Variants in ANKFY1 observed in about 807,000 individuals in gnomAD.
The protein encoded by ANKFY1 is ankyrin repeat and FYVE domain-containing protein 1.
A neutral mutation model predicts 128.3 loss-of-function variants in ANKFY1; 47 were observed. The observed-to-expected ratio is 0.37, with a 90% CI of 0.29 to 0.47. ANKFY1 has a LOEUF of 0.47. ANKFY1 is among the 20% of genes least tolerant of loss of function. ANKFY1 has a pLI of 1.00. For missense variants in ANKFY1, 1,222 were observed against 1,510.6 expected (o/e 0.81, Z 3.17); for synonymous variants, 553 against 601.6 (o/e 0.92, Z 1.18).
At chr17:4,251,248 AT>A (rs974364562) in intron 1 of ANKFY1, among the ~76,000 whole-genome samples, 1 of 152,200 alleles carries the variant, frequency 6.6e-6, no homozygotes, top group African/African-American at 2.4e-5. Flanking sequence ...ACCACTACAT[AT>A]AAAAACTAAC....
At chr17:4,251,673 T>C (rs1288837397) in intron 1 of ANKFY1, among the ~76,000 whole-genome samples, 1 of 151,828 alleles carries the variant, frequency 6.6e-6, no homozygotes, top group African/African-American at 2.4e-5. Flanking sequence ...TTACCAAATT[T>C]TAAAAACTGT....
At chr17:4,207,499 C>G (rs2060047075) in intron 6 of ANKFY1, among the ~76,000 whole-genome samples, 2 of 152,146 alleles carry the variant, frequency 1.3e-5, no homozygotes, top group African/African-American at 4.8e-5. Context: ...CCTCTTGAGT[C>G]TCTGGAAAGA....
Position 4,165,856 on chromosome 17 carries a change from C to T in ANKFY1, c.*1923G>A, listed in dbSNP as rs1016371948. The T allele has an allele frequency of 3.3e-5, 5 of 152,206 alleles. No individual in the cohort carries two copies. Among genetic ancestry groups the T allele is most frequent in the African/African-American group, 4.8e-5 (2 of 41,446 alleles). 9.4% of individuals were successfully genotyped at this position (152,206 alleles called of 1,614,324 possible). ...TAAAGAACAGGTATCCATGTACCAACCACTTCAATTCATATCCGAATCATG... is the reference window on the plus strand; with the variant it reads ...TAAAGAACAGGTATCCATGTACCAATCACTTCAATTCATATCCGAATCATG... On this transcript the variant is annotated 3_prime_UTR_variant, in exon 25 of 25. Coordinates refer to ENST00000341657, the MANE Select transcript of ANKFY1 (RefSeq NM_001330063.2).
intron 10 of ANKFY1, 61 bp downstream of exon 10, chr17:4,194,917 C>A: frequency 6.5e-7 from 1 of 1,546,322 alleles, no homozygotes; most frequent in East Asian, 2.3e-5. Flanking sequence ...AAGGCATTTA[C>A]ATGCCATTTC....
At chr17:4,218,134 A>G (rs1351658325) in intron 3 of ANKFY1, among the ~76,000 whole-genome samples, 1 of 152,252 alleles carries the variant, frequency 6.6e-6, no homozygotes, top group Non-Finnish European at 1.5e-5. Flanking sequence ...ACAAACTGAA[A>G]TCAGAGTACA....
At chr17:4,228,641 T>G (rs558940269) in intron 3 of ANKFY1, among the ~76,000 whole-genome samples, 2 of 152,100 alleles carry the variant, frequency 1.3e-5, no homozygotes, top group African/African-American at 4.8e-5. Context: ...GGTCTCAAAC[T>G]CCTGACCTCA....
At chr17:4,249,291 G>A (rs1354478089) in intron 1 of ANKFY1, 1 of 158,634 alleles carries the variant, frequency 6.3e-6, no homozygotes, top group Non-Finnish European at 1.3e-5. Context: ...GAATGTGGCT[G>A]TTTCCCTAAA....
chr17:4,185,237 G>A (rs574076001), intron 11 of ANKFY1, among the ~76,000 whole-genome samples, 191 bp from the exon 12 acceptor site: 5 of 152,150 alleles, frequency 3.3e-5, no homozygotes, highest in South Asian at 2.1e-4. Context: ...ACGGAGTCCC[G>A]CTCTGTCACC....
intron 4 of ANKFY1, 189 bp downstream of exon 4, chr17:4,216,794 G>C (rs1938369311): frequency 4.1e-6 from 3 of 724,224 alleles, no homozygotes; most frequent in Non-Finnish European, 7.1e-6. Context: ...AATAGCAAAA[G>C]CTTTAGCAAA....
Position 4,178,620 on chromosome 17 carries a change from C to T in ANKFY1, c.2598+237G>A. The T allele has an allele frequency of 1.8e-6, 1 of 566,530 alleles. No homozygotes were observed. The highest frequency in any genetic ancestry group is 3.2e-6 in the Non-Finnish European group (1 of 315,570). 35.1% of individuals were successfully genotyped at this position (566,530 alleles called of 1,614,324 possible). On this transcript the variant is annotated intron_variant, in intron 18 of 24. Coordinates refer to ENST00000341657, the MANE Select transcript of ANKFY1 (RefSeq NM_001330063.2). This position sits in a 1 kb window ranked among gnomAD's most constrained non-coding sequence, Gnocchi z 4.1. The stretch of plus-strand genomic sequence containing the variant: ...TGCCACAGAATTCCTACGATGGAGC[C>T]CACTGCCTCCGCTTCCATCGAAGCC...
intron 1 of ANKFY1, among the ~76,000 whole-genome samples, chr17:4,244,943 AC>A (rs1299648706): frequency 6.6e-6 from 1 of 151,954 alleles, no homozygotes; most frequent in African/African-American, 2.4e-5. Context: ...ATCTCTAGCT[AC>A]CATACACCAC....
At chr17:4,182,750 A>G (rs777419427) in intron 14 of ANKFY1, among the ~76,000 whole-genome samples, 76 of 152,142 alleles carry the variant, frequency 5.0e-4, no homozygotes, top group Non-Finnish European at 8.8e-4. Flanking sequence ...TTTCCCTCTC[A>G]GGCCTTGTTG....
chr17:4,189,576 A>AGCCCACGCCAGACAGTAG (rs2059675044), intron 10 of ANKFY1, 97 bp from the exon 11 acceptor site: 9 of 1,069,762 alleles, frequency 8.4e-6, no homozygotes, highest in Non-Finnish European at 1.2e-5. Flanking sequence ...ATGACTGGCA[A>AGCCCACGCCAGACAGTAG]GCCCACGCCA....
intron 7 of ANKFY1, among the ~76,000 whole-genome samples, chr17:4,201,479 A>ATTTTTTT (rs59058325): frequency 7.4e-6 from 1 of 135,698 alleles, no homozygotes; most frequent in Non-Finnish European, 1.6e-5. Flanking sequence ...CCTGTGTCTG[A>ATTTTTTT]TTTTTTTTTT....
chr17:4,178,210 C>G lies in ANKFY1; in HGVS notation c.2598+647G>C, dbSNP rs2059443821. 1 of 154,178 alleles carries G rather than the reference C, an allele frequency of 6.5e-6. No homozygotes were observed. The highest frequency in any genetic ancestry group is 1.9e-4 in the East Asian group (1 of 5,250). 9.6% of individuals were successfully genotyped at this position (154,178 alleles called of 1,614,324 possible). On this transcript the variant is annotated intron_variant, in intron 18 of 24. Transcript: ENST00000341657. The surrounding 1 kb of genome is among the most constrained non-coding windows in gnomAD (Gnocchi z 4.1). ...AAGACACCAAGCAATCATCTCCACC[C>G]ATGCGAGGATCTCACTTCACGCGGG...
intron 11 of ANKFY1, among the ~76,000 whole-genome samples, chr17:4,186,141 G>A (rs568155354): frequency 5.4e-4 from 82 of 152,304 alleles, no homozygotes; most frequent in African/African-American, 1.9e-3. Context: ...ACATGCATGT[G>A]GGCGTGTCCA....
At chr17:4,194,231 A>C (rs1446372590) in intron 10 of ANKFY1, among the ~76,000 whole-genome samples, 1 of 148,544 alleles carries the variant, frequency 6.7e-6, no homozygotes. Context: ...GCCTTTCCTG[A>C]GTAGCTGGGA....
At chr17:4,173,830 G>A (rs999159451) in intron 20 of ANKFY1, 79 bp downstream of exon 20, 39 of 1,527,932 alleles carry the variant, frequency 2.6e-5, no homozygotes, top group Non-Finnish European at 3.5e-5. Flanking sequence ...CCAGTGGGGA[G>A]CAGACCCAAG....
rs2060023009 is a variant in ANKFY1, at chr17:4,206,328, G to C, written c.891C>G (p.Ile297Met). Reference protein sequence around the residue: ...KSGWSLLHKGIQRGDLFAATF... With the variant: ...KSGWSLLHKGMQRGDLFAATF... Reference sequence around the variant, plus strand: ...ATACACACTTCTTCCTACCTCTTTGGATTCCTTTGTGTAACAAGCTCCAGC... The same window carrying C: ...ATACACACTTCTTCCTACCTCTTTGCATTCCTTTGTGTAACAAGCTCCAGC... The change falls in exon 7 of 25, where the codon ATC becomes ATG. Residue 297 changes from isoleucine (I) to methionine (M), a missense_variant. Ile to Met is a conservative substitution (Grantham distance 10). Coordinates refer to ENST00000341657, the MANE Select transcript of ANKFY1 (RefSeq NM_001330063.2). 1 of 1,612,116 alleles carries C rather than the reference G, an allele frequency of 6.2e-7. No individual in the cohort carries two copies. The highest frequency in any genetic ancestry group is 1.3e-5 in the African/African-American group (1 of 74,888).
Sources: allele counts gnomAD v4.1 joint callset (sites outside exome capture counted in the v4.1 genomes callset), GRCh38; gene constraint gnomAD v4.1.1; non-coding constraint Gnocchi (gnomAD v3.1); transcripts MANE v1.5; gene names NCBI Gene and HGNC (gene_info 2026-07-23, HGNC 2026-07-21).